The following CDC20B variants were observed in gnomAD, a reference collection of about 807,000 sequenced individuals.
CDC20B encodes the protein cell division cycle protein 20 homolog B.
CDC20B carries 58 observed loss-of-function variants against 64.1 expected under a neutral mutation model. The observed-to-expected ratio is 0.90, with a 90% CI of 0.73 to 1.13. The LOEUF (loss-of-function observed/expected upper bound fraction) is 1.13, where lower values mean the gene tolerates loss of function less well. CDC20B is among the 50% of genes most tolerant of loss of function. CDC20B has a pLI of 0.00. For synonymous variants in CDC20B, 243 were observed against 230.6 expected (o/e 1.05, Z -0.49); for missense variants, 597 against 633.0 (o/e 0.94, Z 0.61).
chr5:55,124,896 G>A lies in CDC20B; in HGVS notation c.1122C>T (p.Cys374=), dbSNP rs1742841244. 1 of 1,614,124 alleles carries A rather than the reference G, an allele frequency of 6.2e-7. No homozygotes were observed. Among genetic ancestry groups the A allele is most frequent in the Non-Finnish European group, 8.5e-7 (1 of 1,179,996 alleles). ...SPDGRLLSSG[C]SDGLLTIWPH... ...GCCATATTGTCAGCAGTCCATCACT[G>A]CAGCCGCTGGAAAGCAGCCTGCCAT... The change falls in exon 9 of 12, where the codon TGC becomes TGT. Residue 374 remains cysteine, a synonymous_variant. Transcript: ENST00000381375.
chr5:55,133,395 T>A lies in CDC20B; in HGVS notation c.697+17A>T, dbSNP rs762664671. ...TGTCATTTCAACTTTTAATTCCCAA[T>A]CTAAATGATAACTTACAGTAGTCAT... On this transcript the variant is annotated intron_variant, in intron 6 of 11. Transcript: ENST00000381375. 7.7e-7 allele frequency: 1 copy of A among 1,292,384 alleles called. No individual in the cohort carries two copies. Among genetic ancestry groups the A allele is most frequent in the Non-Finnish European group, 1.1e-6 (1 of 927,884 alleles). 80.1% of individuals were successfully genotyped at this position (1,292,384 alleles called of 1,614,324 possible).
At chr5:55,158,705 T>C (rs908543289) in intron 2 of CDC20B, among the ~76,000 whole-genome samples, 1 of 152,196 alleles carries the variant, frequency 6.6e-6, no homozygotes, top group Non-Finnish European at 1.5e-5. Context: ...TGCCCCTTCA[T>C]CCAGATCTTG....
At chr5:55,157,075 T>C (rs1462850415) in intron 2 of CDC20B, among the ~76,000 whole-genome samples, 2 of 152,204 alleles carry the variant, frequency 1.3e-5, no homozygotes, top group East Asian at 1.9e-4. Context: ...AACTACTTTA[T>C]GCCCTTCTTG....
At chr5:55,147,118 T>C (rs1426622140) in intron 2 of CDC20B, among the ~76,000 whole-genome samples, 1 of 145,254 alleles carries the variant, frequency 6.9e-6, no homozygotes, top group Non-Finnish European at 1.5e-5. Context: ...TTATATATTA[T>C]ATAAACATAA....
rs1742953068 is a variant in CDC20B, at chr5:55,128,569, A to G, written c.746T>C (p.Leu249Pro). Residue 249 changes from leucine to proline, a missense_variant, in exon 7 of 12, where the codon CTG becomes CCG. Coordinates refer to ENST00000381375, the MANE Select transcript of CDC20B (RefSeq NM_001170402.1). ...WSFQNLVAIA[L>P]GSAVYIWNGE... ...ATTCCAGATGTATACAGCAGAGCCC[A>G]GGGCTATGGCAACAAGATTCTGAAA... 6.3e-7 allele frequency: 1 copy of G among 1,584,824 alleles called. No individual in the cohort carries two copies. Among genetic ancestry groups the G allele is most frequent in the African/African-American group, 1.4e-5 (1 of 72,842 alleles).
intron 2 of CDC20B, among the ~76,000 whole-genome samples, chr5:55,159,829 A>G (rs1036323379): frequency 6.6e-6 from 1 of 152,212 alleles, no homozygotes; most frequent in Non-Finnish European, 1.5e-5. Flanking sequence ...GCATCCAAAC[A>G]GTTGCTCAAT....
chr5:55,131,201 G>C (rs1263951995), intron 6 of CDC20B, among the ~76,000 whole-genome samples: 1 of 152,126 alleles, frequency 6.6e-6, no homozygotes, highest in African/African-American at 2.4e-5. Flanking sequence ...AAAAAGTAGT[G>C]GGGACTTTGA....
intron 8 of CDC20B, chr5:55,126,365 G>C (rs1385577706): frequency 5.4e-6 from 1 of 184,334 alleles, no homozygotes; most frequent in Non-Finnish European, 1.1e-5. Flanking sequence ...CAGGCATGGT[G>C]GTGGGCGCCT....
intron 3 of CDC20B, among the ~76,000 whole-genome samples, chr5:55,144,106 T>C (rs1039439294): frequency 2.6e-5 from 4 of 152,198 alleles, no homozygotes; most frequent in Non-Finnish European, 5.9e-5. Flanking sequence ...ATGGTCATCC[T>C]GCAAGGAAAA....
chr5:55,158,169 G>T (rs1489607444), intron 2 of CDC20B, among the ~76,000 whole-genome samples: 1 of 152,074 alleles, frequency 6.6e-6, no homozygotes, highest in Admixed American at 6.5e-5. Flanking sequence ...TCTGGGGTGG[G>T]GCCCAAAATG....
intron 5 of CDC20B, among the ~76,000 whole-genome samples, chr5:55,138,165 T>TAAAA (rs33958487): frequency 3.5e-5 from 5 of 141,372 alleles, no homozygotes; most frequent in South Asian, 2.3e-4. Context: ...GATTTTGAGT[T>TAAAA]AAAAAAAAAA....
At chr5:55,160,994 G>A (rs768508311) in intron 2 of CDC20B, 2 of 1,598,344 alleles carry the variant, frequency 1.3e-6, no homozygotes, top group South Asian at 2.3e-5. Context: ...TTTCCGGGAG[G>A]TTTCACTAGT....
At chr5:55,161,269 T>C in intron 2 of CDC20B, 2 of 1,607,356 alleles carry the variant, frequency 1.2e-6, no homozygotes, top group East Asian at 4.5e-5. Flanking sequence ...AATATCTGCC[T>C]TGCATATGCT....
intron 8 of CDC20B, chr5:55,126,337 A>G (rs1232957750): frequency 1.1e-5 from 2 of 180,492 alleles, no homozygotes; most frequent in East Asian, 3.7e-4. Context: ...CATCTCTACT[A>G]AAAATACAAA....
Position 55,114,964 on chromosome 5 carries a change from A to G in CDC20B, c.1460-646T>C, listed in dbSNP as rs13358398. ...AGGAGACCATTTATCAGCCTACCAC[A>G]CCCTTCATGCCCTATACTGTTGTTA... On this transcript the variant is annotated intron_variant, in intron 11 of 11. Coordinates refer to ENST00000381375, the MANE Select transcript of CDC20B (RefSeq NM_001170402.1). The surrounding 1 kb of genome is among the most constrained non-coding windows in gnomAD (Gnocchi z 4.1). Among the ~76,000 whole-genome samples the G allele has an allele frequency of 0.044, 6,720 of 152,066 alleles. 535 individuals are homozygous for G. The highest frequency in any genetic ancestry group is 0.15 in the African/African-American group (6,407 of 41,446).
At chr5:55,169,012 T>TA (rs140714150) in intron 2 of CDC20B, among the ~76,000 whole-genome samples, 1 of 152,114 alleles carries the variant, frequency 6.6e-6, no homozygotes, top group African/African-American at 2.4e-5. Context: ...CTCTTTAATT[T>TA]AAAAAAACTA....
intron 2 of CDC20B, among the ~76,000 whole-genome samples, chr5:55,155,026 C>T (rs1743770731): frequency 6.6e-6 from 1 of 152,096 alleles, no homozygotes; most frequent in African/African-American, 2.4e-5. Flanking sequence ...TATCTCCTGC[C>T]AAGGAAATGC....
intron 11 of CDC20B, among the ~76,000 whole-genome samples, chr5:55,116,866 T>C (rs1228107024): frequency 6.6e-6 from 1 of 152,230 alleles, no homozygotes; most frequent in Non-Finnish European, 1.5e-5. Flanking sequence ...TAGAATTTGT[T>C]AGGAAAATGG....
chr5:55,114,418 G>T lies in CDC20B; in HGVS notation c.1460-100C>A, dbSNP rs1742578835. The T allele has an allele frequency of 2.7e-6, 4 of 1,499,688 alleles. No individual in the cohort carries two copies. In the East Asian group the frequency reaches 7.1e-5, roughly 27 times the overall value. 92.9% of individuals were successfully genotyped at this position (1,499,688 alleles called of 1,614,324 possible). A position where few individuals can be genotyped will look rare whatever the true frequency, so the allele number is the denominator to read the frequency against. On this transcript the variant is annotated intron_variant, in intron 11 of 11. Transcript: ENST00000381375. The surrounding 1 kb of genome is among the most constrained non-coding windows in gnomAD (Gnocchi z 4.1). ...AGTTGGGGCCATGAGTCCCATCCCA[G>T]GATAAAGGGCTTTCCCACACCCACC...
Sources: allele counts gnomAD v4.1 joint callset (sites outside exome capture counted in the v4.1 genomes callset), GRCh38; gene constraint gnomAD v4.1.1; non-coding constraint Gnocchi (gnomAD v3.1); transcripts MANE v1.5; gene names NCBI Gene and HGNC (gene_info 2026-07-23, HGNC 2026-07-21).